CACNA2D4: variants seen among roughly 807,000 people sequenced by gnomAD.
CACNA2D4 encodes the protein calcium voltage-gated channel auxiliary subunit alpha2delta 4.
Under a neutral mutation model 163.8 loss-of-function variants are expected in CACNA2D4, and 157 were observed. The observed-to-expected ratio is 0.96, with a 90% CI of 0.84 to 1.09. The LOEUF (loss-of-function observed/expected upper bound fraction) is 1.09. Among genes scored for constraint, CACNA2D4 ranks in the 50% least tolerant of loss-of-function variants. CACNA2D4 has a pLI of 0.00. For synonymous variants in CACNA2D4, 598 were observed against 586.9 expected (o/e 1.02, Z -0.27); for missense variants, 1,410 against 1,479.9 (o/e 0.95, Z 0.78).
chr12:1,883,024 G>A lies in CACNA2D4; in HGVS notation c.1352-24C>T. The stretch of plus-strand genomic sequence containing the variant: ...GCCTGCGGTGGGGAAGGCCGCGTGG[G>A]TGTGGAAGGCAGGGCTTCCCTGGGA... On this transcript the variant is annotated intron_variant, in intron 12 of 37. Transcript: ENST00000382722. The surrounding 1 kb of genome is among the most constrained non-coding windows in gnomAD (Gnocchi z 4.5). The A allele has an allele frequency of 6.2e-7, 1 of 1,606,106 alleles. No individual in the cohort carries two copies. Among genetic ancestry groups the A allele is most frequent in the Admixed American group, 1.7e-5 (1 of 59,164 alleles).
In CACNA2D4 at chr12:1,800,237, C is replaced by T. The variant is rs541402397; in HGVS notation, c.2921+149G>A. ...GGGGCAGCATGCAGGGAAGAGGTGG[C>T]GTCCATGCCCAGGGATTGTGCCCTC... On this transcript the variant is annotated intron_variant, in intron 32 of 37. Coordinates refer to ENST00000382722, the MANE Select transcript of CACNA2D4 (RefSeq NM_172364.5). 24 of 962,972 alleles carry T rather than the reference C, an allele frequency of 2.5e-5. No homozygotes were observed. In the Middle Eastern group the frequency reaches 6.4e-4, roughly 26 times the overall value. The allele number at this position is 962,972 out of a possible 1,614,324, so 59.7% of individuals were successfully genotyped here. A position where few individuals can be genotyped will look rare whatever the true frequency, so the allele number is the denominator to read the frequency against.
chr12:1,857,829 T>C (rs1194936101), intron 20 of CACNA2D4, among the ~76,000 whole-genome samples: 2 of 152,220 alleles, frequency 1.3e-5, no homozygotes, highest in African/African-American at 2.4e-5. Context: ...TGTGACCTTC[T>C]TTGGAAATAG....
Position 1,828,083 on chromosome 12 carries a change from A to C in CACNA2D4, c.2551+12656T>G. 7.0e-7 allele frequency: 1 copy of C among 1,420,326 alleles called. No individual in the cohort carries two copies. Among genetic ancestry groups the C allele is most frequent in the Non-Finnish European group, 9.3e-7 (1 of 1,071,906 alleles). 88.0% of individuals were successfully genotyped at this position (1,420,326 alleles called of 1,614,324 possible). The stretch of plus-strand genomic sequence containing the variant: ...TGCTCCTCCCTCCCTCAGGACTGAC[A>C]GGCGGCGCACCCAGGGGCTCCTCTC... On this transcript the variant is annotated intron_variant, in intron 26 of 37. Transcript: ENST00000382722. This position sits in a 1 kb window ranked among gnomAD's most constrained non-coding sequence, Gnocchi z 4.2.
chr12:1,830,822 T>G (rs1864588530), intron 26 of CACNA2D4: 1 of 853,766 alleles, frequency 1.2e-6, no homozygotes. Context: ...TTGTGGCTTG[T>G]GCCAAAGGAG....
chr12:1,815,929 T>C (rs898519696), intron 26 of CACNA2D4, among the ~76,000 whole-genome samples: 3 of 152,232 alleles, frequency 2.0e-5, no homozygotes, highest in Admixed American at 2.0e-4. Flanking sequence ...AGACACAGTA[T>C]TGGGAGTAAA....
At chr12:1,913,186 G>A (rs748040372) in intron 2 of CACNA2D4, 47 bp from the exon 3 acceptor site, 1 of 1,330,776 alleles carries the variant, frequency 7.5e-7, no homozygotes, top group South Asian at 1.2e-5. Flanking sequence ...TTTTGTACCA[G>A]GATAGTTGCA....
intron 23 of CACNA2D4, among the ~76,000 whole-genome samples, chr12:1,850,733 T>A (rs1865258144): frequency 6.6e-6 from 1 of 151,992 alleles, no homozygotes; most frequent in Non-Finnish European, 1.5e-5. Context: ...TGAAACCCCG[T>A]CTCTACTAAA....
intron 29 of CACNA2D4, among the ~76,000 whole-genome samples, chr12:1,808,894 C>A (rs988943320): frequency 1.3e-5 from 2 of 152,058 alleles, no homozygotes; most frequent in Non-Finnish European, 2.9e-5. Context: ...AGTGAAATGA[C>A]GAAAATGGGG....
At position 1,878,521 on chromosome 12, in the gene CACNA2D4, G is replaced by A. The variant is rs1212083196; in HGVS notation, c.1645-132C>T. 9 of 1,497,806 alleles carry A rather than the reference G, an allele frequency of 6.0e-6. No homozygotes were observed. The highest frequency in any genetic ancestry group is 4.9e-5 in the East Asian group (2 of 40,602). 92.8% of individuals were successfully genotyped at this position (1,497,806 alleles called of 1,614,324 possible). ...AGCAGTGAGTGTTTTCAATAGGAAC[G>A]TAACTGAGCCAGTGCCATGCTTCCA... is the stretch of plus-strand genomic sequence containing the variant. On this transcript the variant is annotated intron_variant, in intron 15 of 37. Coordinates refer to ENST00000382722, the MANE Select transcript of CACNA2D4 (RefSeq NM_172364.5). The surrounding 1 kb of genome is among the most constrained non-coding windows in gnomAD (Gnocchi z 4.6).
At chr12:1,842,818 C>G (rs1476286371) in intron 25 of CACNA2D4, among the ~76,000 whole-genome samples, 1 of 152,220 alleles carries the variant, frequency 6.6e-6, no homozygotes, top group East Asian at 1.9e-4. Flanking sequence ...AGAGGAGGAG[C>G]TGCCTCTTTC....
chr12:1,882,799 C>T, intron 13 of CACNA2D4, 68 bp downstream of exon 13: 1 of 1,564,318 alleles, frequency 6.4e-7, no homozygotes, highest in East Asian at 2.3e-5. Flanking sequence ...CAGGAAGTAA[C>T]TTCTTACTCC....
chr12:1,892,239 G>C (rs967394920), intron 6 of CACNA2D4, among the ~76,000 whole-genome samples: 3 of 152,184 alleles, frequency 2.0e-5, no homozygotes, highest in Admixed American at 6.5e-5. Flanking sequence ...TTCAGATCAG[G>C]AGAGAATGAG....
At chr12:1,892,306 C>T (rs1169392001) in intron 6 of CACNA2D4, among the ~76,000 whole-genome samples, 1 of 152,140 alleles carries the variant, frequency 6.6e-6, no homozygotes, top group Admixed American at 6.5e-5. Context: ...GGATACTATA[C>T]CCAGCAAAGT....
At chr12:1,914,531 C>A (rs1299753623) in intron 2 of CACNA2D4, among the ~76,000 whole-genome samples, 6 of 152,142 alleles carry the variant, frequency 3.9e-5, no homozygotes. Context: ...GGTGTTAGGC[C>A]TGCATCCCAC....
At chr12:1,801,734 G>T in intron 29 of CACNA2D4, 90 bp from the exon 30 acceptor site, 4 of 903,738 alleles carry the variant, frequency 4.4e-6, no homozygotes, top group Non-Finnish European at 5.0e-6. Context: ...TTCAGCTCAG[G>T]TCGAGGCTTT....
chr12:1,896,606 AACACACACACACACAC>A (rs61535168), intron 6 of CACNA2D4, among the ~76,000 whole-genome samples: 71 of 130,718 alleles, frequency 5.4e-4, no homozygotes, highest in African/African-American at 2.0e-3. Flanking sequence ...GCTATTAATA[AACACACACACACACAC>A]ACACACACAC....
chr12:1,839,656 A>G (rs1162668235), intron 26 of CACNA2D4, among the ~76,000 whole-genome samples: 1 of 152,248 alleles, frequency 6.6e-6, no homozygotes, highest in African/African-American at 2.4e-5. Flanking sequence ...CAAGGACCAC[A>G]TGGGAGGCAG....
chr12:1,885,202 T>C, intron 9 of CACNA2D4, 126 bp from the exon 10 acceptor site: 1 of 777,326 alleles, frequency 1.3e-6, no homozygotes, highest in South Asian at 1.4e-5. Flanking sequence ...GGCCTGTGTC[T>C]CCATGATGCA....
At chr12:1,909,080 C>G (rs868332243) in intron 4 of CACNA2D4, among the ~76,000 whole-genome samples, 8 of 152,224 alleles carry the variant, frequency 5.3e-5, no homozygotes, top group Non-Finnish European at 1.0e-4. Context: ...AGGCTCCCCC[C>G]ACCTCCTCAC....
Sources: gnomAD v4.1 joint callset for allele counts (sites outside exome capture counted in the v4.1 genomes callset) on GRCh38, gnomAD v4.1.1 for gene constraint, Gnocchi (gnomAD v3.1) non-coding constraint, MANE v1.5 for transcripts, NCBI Gene and HGNC (gene_info 2026-07-23, HGNC 2026-07-21) for gene names.